TBC1D15: variants seen among roughly 807,000 people sequenced by gnomAD.
TBC1D15 encodes the protein TBC1 domain family member 15, also known as GAP for RAB7.
Under a neutral mutation model 95.4 loss-of-function variants are expected in TBC1D15, and 39 were observed. That is an observed-to-expected ratio of 0.41 (90% CI 0.32 to 0.53). TBC1D15 has a LOEUF of 0.53. TBC1D15 is among the 20% of genes least tolerant of loss of function. TBC1D15 has a pLI of 0.29. For missense variants in TBC1D15, 733 were observed against 794.3 expected, an observed-to-expected ratio of 0.92 and a Z score of 0.93; for synonymous variants, 258 against 261.3, an observed-to-expected ratio of 0.99 and a Z score of 0.12.
chr12:71,890,864 C>CATTTTTCTT (rs1318844754), intron 5 of TBC1D15, among the ~76,000 whole-genome samples: 4 of 152,308 alleles, frequency 2.6e-5, no homozygotes, highest in Middle Eastern at 3.4e-3. Flanking sequence ...GCTACAAATA[C>CATTTTTCTT]ATTTTTCTTA....
chr12:71,854,517 T>C (rs1237457721), intron 1 of TBC1D15: 2 of 455,384 alleles, frequency 4.4e-6, no homozygotes, highest in African/African-American at 4.0e-5. Context: ...ATTTCCTTCT[T>C]GTTGGCCTGC....
chr12:71,921,469 A>G lies in TBC1D15; in HGVS notation c.1803+15A>G. 1 of 1,397,974 alleles carries G rather than the reference A, an allele frequency of 7.2e-7. No homozygotes were observed. Among genetic ancestry groups the G allele is most frequent in the Non-Finnish European group, 9.6e-7 (1 of 1,044,002 alleles). 86.6% of individuals were successfully genotyped at this position (1,397,974 alleles called of 1,614,324 possible). A position where few individuals can be genotyped will look rare whatever the true frequency, so the allele number is the denominator to read the frequency against. ...TAAAATGCAAGGTATACAGTGTTTC[A>G]AGTAATTGCAAGATTTGTTTGTTTT... On this transcript the variant is annotated intron_variant, in intron 16 of 16. Transcript: ENST00000485960.
At chr12:71,887,020 A>G (rs565856715) in intron 5 of TBC1D15, among the ~76,000 whole-genome samples, 5 of 152,276 alleles carry the variant, frequency 3.3e-5, no homozygotes, top group African/African-American at 7.2e-5. Flanking sequence ...TTGAACTGCA[A>G]GTAGTAAACA....
chr12:71,888,643 GA>G (rs1478334864), intron 5 of TBC1D15, among the ~76,000 whole-genome samples: 1 of 152,138 alleles, frequency 6.6e-6, no homozygotes, highest in East Asian at 1.9e-4. Flanking sequence ...ATGTGAATGA[GA>G]GCAGAATGAA....
intron 1 of TBC1D15, chr12:71,850,144 A>G (rs1287865200): frequency 1.8e-6 from 1 of 544,512 alleles, no homozygotes; most frequent in Non-Finnish European, 3.5e-6. Context: ...CATTCTCATG[A>G]TAATCATATT....
At chr12:71,891,039 T>C (rs909443219) in intron 5 of TBC1D15, among the ~76,000 whole-genome samples, 1 of 152,176 alleles carries the variant, frequency 6.6e-6, no homozygotes, top group African/African-American at 2.4e-5. Flanking sequence ...CACCAACCAT[T>C]TAAAAGATTA....
Position 71,880,356 on chromosome 12 carries a change from C to G in TBC1D15, c.205-113C>G. The stretch of plus-strand genomic sequence containing the variant: ...AGTATAGGAAATGGTGTTCAGTTTT[C>G]CCACCAGTGATGTCGTCTGCAGCCT... On this transcript the variant is annotated intron_variant, in intron 3 of 16. Coordinates refer to ENST00000485960, the MANE Select transcript of TBC1D15 (RefSeq NM_001146213.3). 3 of 744,318 alleles carry G rather than the reference C, an allele frequency of 4.0e-6. No individual in the cohort carries two copies. In the South Asian group the frequency reaches 6.6e-5, roughly 16 times the overall value. The allele number at this position is 744,318 out of a possible 1,614,324, so 46.1% of individuals were successfully genotyped here.
chr12:71,854,611 T>G (rs894348060), intron 1 of TBC1D15: 2 of 456,730 alleles, frequency 4.4e-6, no homozygotes, highest in Non-Finnish European at 8.8e-6. Flanking sequence ...TGGTATGTAT[T>G]TAGAGAATGT....
At chr12:71,921,560 G>T (rs1869349734) in intron 16 of TBC1D15, 106 bp downstream of exon 16, 3 of 572,948 alleles carry the variant, frequency 5.2e-6, no homozygotes, top group Non-Finnish European at 5.8e-6. Context: ...GTAAGCTGAG[G>T]GCAGGCACAA....
intron 1 of TBC1D15, among the ~76,000 whole-genome samples, chr12:71,845,127 A>G (rs140208195): frequency 6.6e-6 from 1 of 152,358 alleles, no homozygotes; most frequent in Admixed American, 6.5e-5. Flanking sequence ...GCTTTTGGGT[A>G]ACAGAGTTCA....
At chr12:71,916,582 A>G (rs954986180) in intron 12 of TBC1D15, among the ~76,000 whole-genome samples, 1 of 152,228 alleles carries the variant, frequency 6.6e-6, no homozygotes, top group Non-Finnish European at 1.5e-5. Flanking sequence ...TGATAGTTCT[A>G]ATAAAGCACT....
rs150295096 is a variant in TBC1D15, at chr12:71,897,916, G to T, written c.1158G>T (p.Arg386Ser). ...ISQEQEKRNS[R>S]LRDYRSLIEK... is the part of the protein sequence containing the mutation. ...AGGAACAAGAGAAAAGAAATTCGAG[G>T]TTAAGAGATTATAGAAGTCTTATCG... Residue 386 changes from arginine to serine, a missense_variant, in exon 10 of 17, where the codon AGG becomes AGT. Coordinates refer to ENST00000485960, the MANE Select transcript of TBC1D15 (RefSeq NM_001146213.3). 560 of 1,612,528 alleles carry T rather than the reference G, an allele frequency of 3.5e-4. No homozygotes were observed. The highest frequency in any genetic ancestry group is 4.5e-4 in the Non-Finnish European group (528 of 1,178,978).
chr12:71,905,216 C>A (rs61924151), intron 10 of TBC1D15, among the ~76,000 whole-genome samples: 2 of 151,870 alleles, frequency 1.3e-5, no homozygotes, highest in African/African-American at 4.8e-5. Flanking sequence ...GTTTAAAATA[C>A]GTATTAAGGC....
At chr12:71,871,842 C>T (rs949311305) in intron 1 of TBC1D15, among the ~76,000 whole-genome samples, 2 of 152,150 alleles carry the variant, frequency 1.3e-5, no homozygotes, top group African/African-American at 2.4e-5. Context: ...GTGATTATCA[C>T]GAATCTGATA....
At chr12:71,893,428 A>C in intron 6 of TBC1D15, 104 bp downstream of exon 6, 9 of 551,452 alleles carry the variant, frequency 1.6e-5, no homozygotes, top group Non-Finnish European at 2.4e-5. Context: ...AGGTACATAT[A>C]TATACATAGA....
chr12:71,885,503 T>G (rs953628999), intron 5 of TBC1D15, among the ~76,000 whole-genome samples: 5 of 152,216 alleles, frequency 3.3e-5, no homozygotes, highest in African/African-American at 4.8e-5. Flanking sequence ...TACACACACA[T>G]GCTTCCTCAC....
intron 1 of TBC1D15, among the ~76,000 whole-genome samples, chr12:71,846,217 A>T (rs554893525): frequency 3.9e-5 from 6 of 152,334 alleles, no homozygotes; most frequent in African/African-American, 1.2e-4. Flanking sequence ...AACAAAATAC[A>T]GTTTCTGTTG....
At position 71,880,605 on chromosome 12, in the gene TBC1D15, G is replaced by A. The variant is rs1363165717; in HGVS notation, c.341G>A (p.Gly114Glu). The change falls in exon 4 of 17, where the codon GGA (glycine) becomes GAA (glutamate). Residue 114 changes from glycine to glutamate, a missense_variant and splice_region_variant. Gly to Glu is a moderately conservative substitution (Grantham distance 98). Transcript: ENST00000485960. ...VSFKRKPHTN[G>E]DAPSHRNGKS... ...TTTAAAAGGAAACCACATACCAATG[G>A]AGGTATGAATTAAATCTTTTGAAAT... 3 of 1,602,596 alleles carry A rather than the reference G, an allele frequency of 1.9e-6. No individual in the cohort carries two copies. Among genetic ancestry groups the A allele is most frequent in the Admixed American group, 1.8e-5 (1 of 57,034 alleles).
chr12:71,854,060 C>T (rs1888459585), intron 1 of TBC1D15, among the ~76,000 whole-genome samples: 1 of 152,164 alleles, frequency 6.6e-6, no homozygotes, highest in Non-Finnish European at 1.5e-5. Flanking sequence ...GTATTGGCAT[C>T]CCCTATTTCC....
Sources: allele counts gnomAD v4.1 joint callset (sites outside exome capture counted in the v4.1 genomes callset), GRCh38; gene constraint gnomAD v4.1.1; transcripts MANE v1.5; gene names NCBI Gene and HGNC (gene_info 2026-07-23, HGNC 2026-07-21).